The following RNF213 variants were observed in gnomAD, a reference collection of about 807,000 sequenced individuals.
The protein encoded by RNF213 is E3 ubiquitin-protein ligase RNF213.
In RNF213, 341 loss-of-function variants were observed where a neutral mutation model predicts 514.4. The ratio of observed to expected loss-of-function variants is 0.66; its 90% CI spans 0.61 to 0.73. The LOEUF is 0.73. RNF213 is among the 30% of genes least tolerant of loss of function. RNF213 has a pLI of 0.00. For synonymous variants in RNF213, 2,655 were observed against 2,658.2 expected (o/e 1.00, Z 0.04); for missense variants, 5,767 against 6,615.6 (o/e 0.87, Z 4.45).
intron 56 of RNF213, 117 bp from the exon 57 acceptor site, chr17:80,381,430 T>C (rs901322185): frequency 3.6e-6 from 4 of 1,125,654 alleles, no homozygotes; most frequent in Non-Finnish European, 5.4e-6. Context: ...CGTTTTCATC[T>C]TAGAAACCGC....
chr17:80,310,156 C>T (rs12947173), intron 14 of RNF213, among the ~76,000 whole-genome samples: 7 of 152,138 alleles, frequency 4.6e-5, no homozygotes, highest in Non-Finnish European at 8.8e-5. Context: ...GTGCAGAGAT[C>T]GGCAATTCCT....
chr17:80,273,746 A>G (rs2043916233), intron 3 of RNF213, among the ~76,000 whole-genome samples: 1 of 150,758 alleles, frequency 6.6e-6, no homozygotes, highest in Non-Finnish European at 1.5e-5. Flanking sequence ...CAGCCTCCCA[A>G]GTAGCTGGGA....
chr17:80,391,428 G>A (rs997618750), intron 67 of RNF213, among the ~76,000 whole-genome samples: 7 of 151,974 alleles, frequency 4.6e-5, no homozygotes, highest in Non-Finnish European at 7.4e-5. Flanking sequence ...CAACCATCAC[G>A]CCCAGCTAAT....
Position 80,354,454 on chromosome 17 carries a change from G to T in RNF213, c.10740G>T (p.Arg3580=). The T allele has an allele frequency of 2.5e-6, 4 of 1,614,236 alleles. No homozygotes were observed. The highest frequency in any genetic ancestry group is 3.3e-5 in the Admixed American group (2 of 60,028). ...GCCTTTGTACAGCCTCTTTCTTGCGGGTATCCAAGATGCGCCTCAGTGTCT... is the reference window on the plus strand; with the variant it reads ...GCCTTTGTACAGCCTCTTTCTTGCGTGTATCCAAGATGCGCCTCAGTGTCT... ...EDDACHASFL[R]VSKMRLSVFL... is the part of the protein sequence containing the mutation. The change falls in exon 36 of 68, where the codon CGG becomes CGT. Residue 3580 remains arginine, a synonymous_variant. Coordinates refer to ENST00000582970, the MANE Select transcript of RNF213 (RefSeq NM_001256071.3).
rs117705614 is a variant in RNF213 at position 80,364,529 on chromosome 17, C to A, written c.11847C>A (p.Thr3949=). The A allele has an allele frequency of 9.3e-6, 15 of 1,614,132 alleles. No homozygotes were observed. Among genetic ancestry groups the A allele is most frequent in the Non-Finnish European group, 1.3e-5 (15 of 1,180,012 alleles). The change falls in exon 42 of 68, where the codon ACC becomes ACA. Residue 3949 remains threonine (T), a synonymous_variant. Transcript: ENST00000582970. ...TCCCCGAGTTACAGGGGCTGGTGACCGAGCACGTCTTCTTACTAGACAAGG... is the reference window on the plus strand; with the variant it reads ...TCCCCGAGTTACAGGGGCTGGTGACAGAGCACGTCTTCTTACTAGACAAGG... ...SRVPELQGLV[T]EHVFLLDKCL...
Position 80,353,044 on chromosome 17 carries a change from G to A in RNF213, c.10408G>A (p.Gly3470Arg), listed in dbSNP as rs766116492. 38 of 1,612,728 alleles carry A rather than the reference G, an allele frequency of 2.4e-5. No individual in the cohort carries two copies. Among genetic ancestry groups the A allele is most frequent in the South Asian group, 2.3e-4 (21 of 91,092 alleles). ...CACCATCAGCCAGCTGTTCGCGCCC[G>A]GAGACTTGCCTGAGCGTGAGTCACG... Reference protein sequence around the residue: ...HVTISQLFAPGDLPELGLEHR... With the variant: ...HVTISQLFAPRDLPELGLEHR... The change falls in exon 33 of 68, where the codon GGA (glycine) becomes AGA (arginine). Residue 3470 changes from glycine (G) to arginine (R), a missense_variant. Coordinates refer to ENST00000582970, the MANE Select transcript of RNF213 (RefSeq NM_001256071.3). This position sits in a 1 kb window ranked among gnomAD's most constrained non-coding sequence, Gnocchi z 5.0.
intron 2 of RNF213, among the ~76,000 whole-genome samples, chr17:80,270,634 A>G (rs2043790599): frequency 6.6e-6 from 1 of 152,182 alleles, no homozygotes; most frequent in South Asian, 2.1e-4. Flanking sequence ...TTGGAAGTTA[A>G]GAGACCACAT....
chr17:80,278,205 C>T (rs2044137829), intron 3 of RNF213, among the ~76,000 whole-genome samples: 1 of 152,226 alleles, frequency 6.6e-6, no homozygotes, highest in Non-Finnish European at 1.5e-5. Flanking sequence ...CCTCAGCTTC[C>T]TGCTGGGCGT....
At chr17:80,379,823 C>T (rs1187820299) in intron 55 of RNF213, 109 bp downstream of exon 55, 2 of 881,486 alleles carry the variant, frequency 2.3e-6, no homozygotes, top group African/African-American at 1.7e-5. Context: ...TACTCCAGTA[C>T]ATGTGGGCCT....
rs769006726 is a variant in RNF213, at chr17:80,376,865, GTCT to G, written c.13429-12_13429-10del. On this transcript the variant is annotated splice_polypyrimidine_tract_variant and intron_variant, in intron 52 of 67. Transcript: ENST00000582970. ...AGCTCACTTATCTAGAGCTGTCTCTGTCTTCTTGTTTTTCAGCATGCTTTTCTT... is the reference window on the plus strand; with the variant it reads ...AGCTCACTTATCTAGAGCTGTCTCTGTCTTGTTTTTCAGCATGCTTTTCTT... 5.6e-6 allele frequency: 9 copies of G among 1,611,586 alleles called. No homozygotes were observed. The highest frequency in any genetic ancestry group is 1.1e-5 in the South Asian group (1 of 90,714).
Position 80,360,119 on chromosome 17 carries a change from G to A in RNF213, c.11113G>A (p.Ala3705Thr), listed in dbSNP as rs545014063. ...VQNHMNLSEN[A>T]SNNVPFSWKI... The stretch of plus-strand genomic sequence containing the variant: ...GAACCACATGAACCTTTCCGAGAAC[G>A]CTTCCAACAACGTCCCTTTCAGCTG... The change falls in exon 38 of 68, where the codon GCT becomes ACT. Residue 3705 changes from alanine (A) to threonine (T), a missense_variant. Coordinates refer to ENST00000582970, the MANE Select transcript of RNF213 (RefSeq NM_001256071.3). The A allele has an allele frequency of 5.3e-5, 86 of 1,614,100 alleles. No homozygotes were observed. The highest frequency in any genetic ancestry group is 7.2e-5 in the Non-Finnish European group (85 of 1,179,990).
Position 80,354,453 on chromosome 17 carries a change from G to A in RNF213, c.10739G>A (p.Arg3580Gln), listed in dbSNP as rs1205234187. 5.6e-6 allele frequency: 9 copies of A among 1,614,188 alleles called. No individual in the cohort carries two copies. The highest frequency in any genetic ancestry group is 4.2e-6 in the Non-Finnish European group (5 of 1,180,042). Residue 3580 changes from arginine to glutamine, a missense_variant, in exon 36 of 68, where the codon CGG becomes CAG. Coordinates refer to ENST00000582970, the MANE Select transcript of RNF213 (RefSeq NM_001256071.3). Reference sequence around the variant, plus strand: ...TGCCTTTGTACAGCCTCTTTCTTGCGGGTATCCAAGATGCGCCTCAGTGTC... The same window carrying A: ...TGCCTTTGTACAGCCTCTTTCTTGCAGGTATCCAAGATGCGCCTCAGTGTC... Reference protein sequence around the residue: ...EDDACHASFLRVSKMRLSVFL... With the variant: ...EDDACHASFLQVSKMRLSVFL...
rs369430847 is a variant in RNF213, at chr17:80,290,480, TGC to T, written c.1113-87_1113-86del. ...GTGCATGTGTGTGTGCACGTGTGTG[TGC>T]GCACGTGTGTGTGTGCGCGTGTGTG... On this transcript the variant is annotated intron_variant, in intron 6 of 67. Transcript: ENST00000582970. The T allele has an allele frequency of 2.5e-3, 3,604 of 1,455,980 alleles. 67 individuals carry two copies. In the African/African-American group the frequency reaches 0.043, roughly 17 times the overall value. The allele number at this position is 1,455,980 out of a possible 1,614,324, so 90.2% of individuals were successfully genotyped here.
chr17:80,355,618 T>G (rs80131819), intron 36 of RNF213, among the ~76,000 whole-genome samples: 14 of 2,954 alleles, frequency 4.7e-3, no homozygotes, highest in Non-Finnish European at 6.8e-3. Flanking sequence ...GCGGGGTGAG[T>G]GGGAATGGGG....
At chr17:80,373,190 A>C in intron 49 of RNF213, 25 bp downstream of exon 49, 1 of 1,596,556 alleles carries the variant, frequency 6.3e-7, no homozygotes. Flanking sequence ...CGGGCAGCAC[A>C]CAAACATGCA....
intron 56 of RNF213, 143 bp downstream of exon 56, chr17:80,381,130 A>G (rs2079982632): frequency 2.3e-6 from 2 of 884,346 alleles, no homozygotes; most frequent in East Asian, 2.4e-5. Flanking sequence ...CAAGTTATAC[A>G]TCTTCATGTT....
At position 80,333,977 on chromosome 17, in the gene RNF213, T is replaced by G. The variant is rs2077910798; in HGVS notation, c.4144-128T>G. 2.9e-6 allele frequency: 3 copies of G among 1,025,204 alleles called. No homozygotes were observed. The Admixed American group carries it at 6.1e-5, about 21-fold the overall frequency. The allele number at this position is 1,025,204 out of a possible 1,614,324, so 63.5% of individuals were successfully genotyped here. The stretch of plus-strand genomic sequence containing the variant: ...AGGGGTAAGAGCTTGGTGTGCCTGT[T>G]GTCACAGCAGTGGCAAATCTAGGCA... On this transcript the variant is annotated intron_variant, in intron 21 of 67. Transcript: ENST00000582970.
In RNF213 at chr17:80,334,111, A is replaced by G; in HGVS notation, c.4150A>G (p.Asn1384Asp). ...GTAGAGCTTTTTCTTGCAGACTGATAACTTCGACGACTTTCGCCGTGAAAC... is the reference window on the plus strand; with the variant it reads ...GTAGAGCTTTTTCTTGCAGACTGATGACTTCGACGACTTTCGCCGTGAAAC... ...VLNTLLNFTD[N>D]FDDFRRETLD... The change falls in exon 22 of 68, where the codon AAC becomes GAC. Residue 1384 changes from asparagine to aspartate, a missense_variant. Asn to Asp is a conservative substitution (Grantham distance 23, BLOSUM62 1). Transcript: ENST00000582970. 6.5e-7 allele frequency: 1 copy of G among 1,537,182 alleles called. No homozygotes were observed. The highest frequency in any genetic ancestry group is 8.7e-7 in the Non-Finnish European group (1 of 1,146,890).
chr17:80,385,959 C>T (rs1453603221), intron 61 of RNF213, among the ~76,000 whole-genome samples: 1 of 152,232 alleles, frequency 6.6e-6, no homozygotes, highest in Non-Finnish European at 1.5e-5. Context: ...AGCCACTGCG[C>T]CCAGCCAGCA....
Sources: gnomAD v4.1 joint callset for allele counts (sites outside exome capture counted in the v4.1 genomes callset) on GRCh38, gnomAD v4.1.1 for gene constraint, Gnocchi (gnomAD v3.1) non-coding constraint, MANE v1.5 for transcripts, NCBI Gene and HGNC (gene_info 2026-07-23, HGNC 2026-07-21) for gene names.